The following LILRA1 variants were observed in gnomAD, a reference collection of about 807,000 sequenced individuals.
LILRA1 encodes the protein leukocyte immunoglobulin like receptor A1.
In LILRA1, 51 loss-of-function variants were observed where a neutral mutation model predicts 51.6. The ratio of observed to expected loss-of-function variants is 0.99; its 90% CI spans 0.79 to 1.25. LILRA1 has a LOEUF of 1.25. Among genes scored for constraint, LILRA1 ranks in the 50% most tolerant of loss-of-function variants. The pLI is 0.00. For synonymous variants in LILRA1, 305 were observed against 248.4 expected (o/e 1.23, Z -2.14); for missense variants, 660 against 611.7 (o/e 1.08, Z -0.83).
chr19:54,597,897 A>T (rs897250352), intron 7 of LILRA1, among the ~76,000 whole-genome samples: 1 of 151,254 alleles, frequency 6.6e-6, no homozygotes, highest in Non-Finnish European at 1.5e-5. Flanking sequence ...GCCCCTCCTT[A>T]GTCTCAGGGG....
chr19:54,596,276 G>A lies in LILRA1; in HGVS notation c.1046G>A (p.Trp349Ter), dbSNP rs2063052730. ...AACGTGACCCTGCTGTGTCAGTCAT[G>A]GGGGCCGTTCCACACTTTCCTTCTG... ...GENVTLLCQS[W>*]GPFHTFLLTK... Residue 349 changes from tryptophan (W) to a stop codon, truncating the protein, a stop_gained, in exon 7 of 10, where the codon TGG (tryptophan) becomes TAG (stop). Transcript: ENST00000251372. LOFTEE classifies it low-confidence loss of function (ANC_ALLELE). 1 of 1,612,884 alleles carries A rather than the reference G, an allele frequency of 6.2e-7. No individual in the cohort carries two copies. Among genetic ancestry groups the A allele is most frequent in the Non-Finnish European group, 8.5e-7 (1 of 1,179,728 alleles).
Position 54,594,720 on chromosome 19 carries a change from G to T in LILRA1, c.126G>T (p.Gly42=), listed in dbSNP as rs764428603. 1 of 1,613,970 alleles carries T rather than the reference G, an allele frequency of 6.2e-7. No individual in the cohort carries two copies. Among genetic ancestry groups the T allele is most frequent in the Non-Finnish European group, 8.5e-7 (1 of 1,179,902 alleles). ...AGCCAGGCTCTGTGATCACCCAGGG[G>T]AGTCCCGTGACCCTCTGGTGTCAGG... ...WAEPGSVITQ[G]SPVTLWCQGI... is the part of the protein sequence containing the mutation. The change falls in exon 4 of 10, where the codon GGG becomes GGT. Residue 42 remains glycine, a synonymous_variant. Transcript: ENST00000251372.
intron 5 of LILRA1, 32 bp from the exon 6 acceptor site, chr19:54,595,607 G>T (rs376277199): frequency 2.5e-6 from 4 of 1,583,120 alleles, no homozygotes; most frequent in Non-Finnish European, 1.7e-6. Flanking sequence ...CCTGAGGGTC[G>T]GCTCCTGGAA....
At position 54,600,705 on chromosome 19, in the gene LILRA1, A is replaced by T. The variant is rs759994851; in HGVS notation, c.1358A>T (p.His453Leu). Reference protein sequence around the residue: ...LSPSQNKTASHPQDYTVENLI... With the variant: ...LSPSQNKTASLPQDYTVENLI... Reference sequence around the variant, plus strand: ...CTTTGCCCACCATCCCCAGCCTCACACCCCCAGGATTACACAGTGGAGAAT... The same window carrying T: ...CTTTGCCCACCATCCCCAGCCTCACTCCCCCAGGATTACACAGTGGAGAAT... Residue 453 changes from histidine (H) to leucine (L), a missense_variant, in exon 10 of 10, where the codon CAC (histidine) becomes CTC (leucine). By Grantham distance (99) the His-to-Leu change is moderately conservative. Coordinates refer to ENST00000251372, the MANE Select transcript of LILRA1 (RefSeq NM_006863.4). 2 of 1,613,170 alleles carry T rather than the reference A, an allele frequency of 1.2e-6. No individual in the cohort carries two copies. Among genetic ancestry groups the T allele is most frequent in the Non-Finnish European group, 1.7e-6 (2 of 1,179,826 alleles).
Position 54,595,868 on chromosome 19 carries a change from C to A in LILRA1, c.891C>A (p.Cys297Ter). Residue 297 changes from cysteine (C) to a stop codon, truncating the protein, a stop_gained, in exon 6 of 10, where the codon TGC becomes TGA. Transcript: ENST00000251372. LOFTEE classifies it high-confidence loss of function. ...GCTCCTACGGGGGCCAGTACAGATG[C>A]TCCGGTGCATACAACCTCTCCTCCG... ...VSRSYGGQYR[C>*]SGAYNLSSEW... is the part of the protein sequence containing the mutation. The A allele has an allele frequency of 6.2e-7, 1 of 1,614,070 alleles. No individual in the cohort carries two copies. The highest frequency in any genetic ancestry group is 1.7e-5 in the Admixed American group (1 of 60,020).
At position 54,596,312 on chromosome 19, in the gene LILRA1, G is replaced by A. The variant is rs749525789; in HGVS notation, c.1082G>A (p.Gly361Glu). The A allele has an allele frequency of 1.2e-6, 2 of 1,614,100 alleles. No homozygotes were observed. The highest frequency in any genetic ancestry group is 1.7e-6 in the Non-Finnish European group (2 of 1,180,010). Reference sequence around the variant, plus strand: ...CACACTTTCCTTCTGACCAAGGCGGGAGCAGCTGATGCCCCCCTCCGTCTC... The same window carrying A: ...CACACTTTCCTTCTGACCAAGGCGGAAGCAGCTGATGCCCCCCTCCGTCTC... ...PFHTFLLTKA[G>E]AADAPLRLRS... Residue 361 changes from glycine to glutamate, a missense_variant, in exon 7 of 10, where the codon GGA (glycine) becomes GAA (glutamate). Transcript: ENST00000251372.
At chr19:54,594,977 G>A (rs1600262244) in intron 4 of LILRA1, 25 bp downstream of exon 4, 14 of 1,612,384 alleles carry the variant, frequency 8.7e-6, no homozygotes, top group East Asian at 6.7e-5. Flanking sequence ...AGGGCTCCCA[G>A]CCCCAGGCTC....
At position 54,600,767 on chromosome 19, in the gene LILRA1, G is replaced by A. The variant is rs2063149642; in HGVS notation, c.1420G>A (p.Val474Ile). The change falls in exon 10 of 10, where the codon GTC becomes ATC. Residue 474 changes from valine (V) to isoleucine (I), a missense_variant. Coordinates refer to ENST00000251372, the MANE Select transcript of LILRA1 (RefSeq NM_006863.4). ...GGGCATAGCTGGCTTGGTCCTGGTG[G>A]TCCTCGGGATTCTGCTATTTGAGGC... is the stretch of plus-strand genomic sequence containing the variant. ...RMGIAGLVLV[V>I]LGILLFEAQH... is the part of the protein sequence containing the mutation. 6.2e-7 allele frequency: 1 copy of A among 1,614,124 alleles called. No homozygotes were observed. Among genetic ancestry groups the A allele is most frequent in the Non-Finnish European group, 8.5e-7 (1 of 1,180,024 alleles).
Position 54,600,754 on chromosome 19 carries a change from CTT to C in LILRA1, c.1408_1409del (p.Leu470GlyfsTer11). The C allele has an allele frequency of 1.2e-6, 2 of 1,614,170 alleles. No homozygotes were observed. The highest frequency in any genetic ancestry group is 1.7e-6 in the Non-Finnish European group (2 of 1,180,028). ...ATCTCATCCGCATGGGCATAGCTGG[CTT>C]GGTCCTGGTGGTCCTCGGGATTCTG... is the stretch of plus-strand genomic sequence containing the variant. ...ENLIRMGIAG[L>X]VLVVLGILLF... On this transcript the variant is annotated frameshift_variant, in exon 10 of 10. Coordinates refer to ENST00000251372, the MANE Select transcript of LILRA1 (RefSeq NM_006863.4). LOFTEE classifies it low-confidence loss of function (END_TRUNC).
chr19:54,594,792 A>G lies in LILRA1; in HGVS notation c.198A>G (p.Thr66=). 6.2e-7 allele frequency: 1 copy of G among 1,614,098 alleles called. No individual in the cohort carries two copies. The highest frequency in any genetic ancestry group is 8.5e-7 in the Non-Finnish European group (1 of 1,179,984). ...ACCGTCTGTATAGAGAAAAGAAAAC[A>G]GCACCCTGGATTACACGGATCCCAC... The part of the protein sequence containing the change: ...QEYRLYREKK[T]APWITRIPQE... The change falls in exon 4 of 10, where the codon ACA becomes ACG. Residue 66 remains threonine, a synonymous_variant. Transcript: ENST00000251372.
Position 54,596,351 on chromosome 19 carries a change from A to T in LILRA1, c.1121A>T (p.Glu374Val). The change falls in exon 7 of 10, where the codon GAA (glutamate) becomes GTA (valine). Residue 374 changes from glutamate (E) to valine (V), a missense_variant. By Grantham distance (121) the Glu-to-Val change is moderately radical. Transcript: ENST00000251372. ...DAPLRLRSIHEYPKYQAEFPM... is the reference protein window; with the variant it reads ...DAPLRLRSIHVYPKYQAEFPM... The stretch of plus-strand genomic sequence containing the variant: ...CCCCTCCGTCTCAGATCAATACACG[A>T]ATATCCTAAGTACCAGGCTGAATTC... The T allele has an allele frequency of 6.2e-7, 1 of 1,613,950 alleles. No individual in the cohort carries two copies. Among genetic ancestry groups the T allele is most frequent in the South Asian group, 1.1e-5 (1 of 91,062 alleles).
intron 7 of LILRA1, 148 bp downstream of exon 7, chr19:54,596,639 G>T: frequency 9.0e-7 from 1 of 1,117,270 alleles, no homozygotes; most frequent in Non-Finnish European, 1.3e-6. Context: ...AGGCCCAGGC[G>T]GGTGGATCAG....
In LILRA1 at chr19:54,601,070, T is replaced by C; in HGVS notation, c.*253T>C. The C allele has an allele frequency of 3.6e-6, 2 of 556,832 alleles. No homozygotes were observed. The highest frequency in any genetic ancestry group is 4.1e-5 in the South Asian group (2 of 48,418). 34.5% of individuals were successfully genotyped at this position (556,832 alleles called of 1,614,324 possible). On this transcript the variant is annotated 3_prime_UTR_variant, in exon 10 of 10. Transcript: ENST00000251372. ...TTAATGTTGACTTCCCTTGGTTGGA[T>C]CCTCTTCTTTCCCCACCCCCAGACA... is the stretch of plus-strand genomic sequence containing the variant.
intron 4 of LILRA1, 35 bp downstream of exon 4, chr19:54,594,987 C>T: frequency 1.2e-6 from 2 of 1,611,318 alleles, no homozygotes; most frequent in Non-Finnish European, 1.7e-6. Context: ...GCCCCAGGCT[C>T]TGCCCTCAGG....
At chr19:54,599,517 T>G (rs2063128216) in intron 8 of LILRA1, 1 of 1,195,264 alleles carries the variant, frequency 8.4e-7, no homozygotes, top group African/African-American at 1.6e-5. Flanking sequence ...TCATTGTATT[T>G]CATGCTAACT....
chr19:54,596,023 G>T (rs537981246), intron 6 of LILRA1, 88 bp downstream of exon 6: 296 of 1,561,154 alleles, frequency 1.9e-4, no homozygotes, highest in Middle Eastern at 2.3e-4. Context: ...GGAATGAGGG[G>T]TGGGGGTCCC....
At position 54,594,846 on chromosome 19, in the gene LILRA1, C is replaced by T. The variant is rs1256936005; in HGVS notation, c.252C>T (p.Pro84=). The stretch of plus-strand genomic sequence containing the variant: ...AGATTGTGAAGAAGGGCCAGTTCCC[C>T]ATCCCATCCATCACCTGGGAACACA... ...PQEIVKKGQF[P]IPSITWEHTG... Residue 84 remains proline (P), a synonymous_variant, in exon 4 of 10, where the codon CCC becomes CCT. Transcript: ENST00000251372. The T allele has an allele frequency of 6.2e-6, 10 of 1,614,146 alleles. No homozygotes were observed. Among genetic ancestry groups the T allele is most frequent in the Non-Finnish European group, 8.5e-6 (10 of 1,180,002 alleles).
chr19:54,596,605 C>A (rs2063064512), intron 7 of LILRA1, 114 bp downstream of exon 7: 5 of 1,430,326 alleles, frequency 3.5e-6, no homozygotes, highest in Non-Finnish European at 3.8e-6. Flanking sequence ...CGGTGGCTTA[C>A]ACCTGTAATC....
chr19:54,595,803 G>A lies in LILRA1; in HGVS notation c.826G>A (p.Gly276Arg), dbSNP rs2063033024. The change falls in exon 6 of 10, where the codon GGG (glycine) becomes AGG (arginine). Residue 276 changes from glycine to arginine, a missense_variant. By Grantham distance (125) the Gly-to-Arg change is moderately radical. Coordinates refer to ENST00000251372, the MANE Select transcript of LILRA1 (RefSeq NM_006863.4). ...GCTCCCTGGCCCACAGCCCCAGGCT[G>A]GGCTCTCCCAGGCCAACTTCACCCT... ...LQLPGPQPQAGLSQANFTLGP... is the reference protein window; with the variant it reads ...LQLPGPQPQARLSQANFTLGP... 6.2e-7 allele frequency: 1 copy of A among 1,614,084 alleles called. No homozygotes were observed. The highest frequency in any genetic ancestry group is 8.5e-7 in the Non-Finnish European group (1 of 1,180,012).
Sources: gnomAD v4.1 joint callset for allele counts (sites outside exome capture counted in the v4.1 genomes callset) on GRCh38, gnomAD v4.1.1 for gene constraint, MANE v1.5 for transcripts, NCBI Gene and HGNC (gene_info 2026-07-23, HGNC 2026-07-21) for gene names.